The following PDIA2 variants were observed in gnomAD, a reference collection of about 807,000 sequenced individuals.
PDIA2 encodes the protein protein disulfide-isomerase A2.
PDIA2 carries 76 observed loss-of-function variants against 51.1 expected under a neutral mutation model. The ratio of observed to expected loss-of-function variants is 1.49; its 90% CI spans 1.24 to 1.80. The LOEUF (loss-of-function observed/expected upper bound fraction) is 1.80, where lower values mean the gene tolerates loss of function less well. Among genes scored for constraint, PDIA2 ranks in the 40% most tolerant of loss-of-function variants. PDIA2 has a pLI of 0.00. For synonymous variants in PDIA2, 429 were observed against 309.9 expected (o/e 1.38, Z -4.04); for missense variants, 946 against 706.5 (o/e 1.34, Z -3.84).
rs45486793 is a variant in PDIA2, at chr16:284,020, A to C, written c.200-367A>C. The C allele has an allele frequency of 5.9e-3, 1,916 of 325,016 alleles. 34 individuals carry two copies. The highest frequency in any genetic ancestry group is 0.038 in the African/African-American group (1,774 of 47,178). 20.1% of individuals were successfully genotyped at this position (325,016 alleles called of 1,614,324 possible). A position where few individuals can be genotyped will look rare whatever the true frequency, so the allele number is the denominator to read the frequency against. ...GCTGGGATTATAGGCATACGCAACC[A>C]ATCCCGGCTAATATTTTTTGTATTT... On this transcript the variant is annotated intron_variant, in intron 1 of 10. Coordinates refer to ENST00000219406, the MANE Select transcript of PDIA2 (RefSeq NM_006849.4).
intron 1 of PDIA2, chr16:284,003 T>C (rs2052320154): frequency 3.3e-6 from 1 of 300,078 alleles, no homozygotes; most frequent in Non-Finnish European, 6.5e-6. Flanking sequence ...TAGCTGGGAT[T>C]ATAGGCATAC....
In PDIA2 at chr16:287,117, C is replaced by T. The variant is rs767009830; in HGVS notation, c.*4C>T. The T allele has an allele frequency of 4.3e-5, 70 of 1,612,594 alleles. 1 individual carries two copies. In the South Asian group the frequency reaches 6.3e-4, roughly 14 times the overall value. ...GGGGTCCAAGGAGGAACTGTAGCTG[C>T]CCCCGTGTCACCCCCGCCATCACTG... is the stretch of plus-strand genomic sequence containing the variant. On this transcript the variant is annotated 3_prime_UTR_variant, in exon 11 of 11. Transcript: ENST00000219406.
Position 286,618 on chromosome 16 carries a change from C to G in PDIA2, c.1305C>G (p.Tyr435Ter), listed in dbSNP as rs2052384579. Residue 435 changes from tyrosine (Y) to a stop codon, truncating the protein, a stop_gained, in exon 9 of 11, where the codon TAC (tyrosine) becomes TAG (stop). Coordinates refer to ENST00000219406, the MANE Select transcript of PDIA2 (RefSeq NM_006849.4). LOFTEE classifies it high-confidence loss of function. ...CCTGGGAGGCATTGGCTGAGAAGTA[C>G]CAAGACCACGAGGACATCATCATTG... ...APAWEALAEK[Y>*]QDHEDIIIAE... is the part of the protein sequence containing the mutation. The G allele has an allele frequency of 1.2e-6, 2 of 1,612,900 alleles. No individual in the cohort carries two copies. Among genetic ancestry groups the G allele is most frequent in the East Asian group, 4.5e-5 (2 of 44,854 alleles).
At chr16:286,507 T>G in intron 8 of PDIA2, 34 bp downstream of exon 8, 1 of 1,612,738 alleles carries the variant, frequency 6.2e-7, no homozygotes, top group Non-Finnish European at 8.5e-7. Flanking sequence ...TGGTGTGGGC[T>G]GGGCAGGGGC....
chr16:284,339 G>A (rs1172311232), intron 1 of PDIA2, 48 bp from the exon 2 acceptor site: 1 of 1,500,436 alleles, frequency 6.7e-7, no homozygotes, highest in South Asian at 1.2e-5. Context: ...TGGAGAGGGT[G>A]CTCCTGGGGT....
rs531070074 is a variant in PDIA2, at chr16:283,494, C to T, written c.199+126C>T. The T allele has an allele frequency of 5.8e-5, 60 of 1,027,342 alleles. No homozygotes were observed. In the African/African-American group the frequency reaches 8.7e-4, roughly 15 times the overall value. 63.6% of individuals were successfully genotyped at this position (1,027,342 alleles called of 1,614,324 possible). Reference sequence around the variant, plus strand: ...AGGGGCCTCCCCGCAGGCACTTGCCCCCACTGTGCCCAGGAGCTCTCTAGG... The same window carrying T: ...AGGGGCCTCCCCGCAGGCACTTGCCTCCACTGTGCCCAGGAGCTCTCTAGG... On this transcript the variant is annotated intron_variant, in intron 1 of 10. Transcript: ENST00000219406.
At position 284,508 on chromosome 16, in the gene PDIA2, G is replaced by C; in HGVS notation, c.321G>C (p.Glu107Asp). Reference protein sequence around the residue: ...LAKVDGPAQRELAEEFGVTEY... With the variant: ...LAKVDGPAQRDLAEEFGVTEY... ...AGGTGGATGGGCCCGCGCAGCGCGA[G>C]CTGGCTGAGGAGTTTGGTGTGACGG... Residue 107 changes from glutamate to aspartate, a missense_variant, in exon 2 of 11, where the codon GAG (glutamate) becomes GAC (aspartate). Physicochemically the swap from Glu to Asp is conservative, Grantham distance 45. Coordinates refer to ENST00000219406, the MANE Select transcript of PDIA2 (RefSeq NM_006849.4). The C allele has an allele frequency of 6.2e-7, 1 of 1,611,908 alleles. No homozygotes were observed. Among genetic ancestry groups the C allele is most frequent in the Non-Finnish European group, 8.5e-7 (1 of 1,179,458 alleles).
Position 286,727 on chromosome 16 carries a change from G to A in PDIA2, c.1414G>A (p.Gly472Ser). 6.2e-7 allele frequency: 1 copy of A among 1,612,904 alleles called. No individual in the cohort carries two copies. The change falls in exon 9 of 11, where the codon GGT becomes AGT. Residue 472 changes from glycine (G) to serine (S), a missense_variant. Coordinates refer to ENST00000219406, the MANE Select transcript of PDIA2 (RefSeq NM_006849.4). Reference protein sequence around the residue: ...PTLKYFPAGPGRKVIEYKSTR... With the variant: ...PTLKYFPAGPSRKVIEYKSTR... ...TCTCAAGTACTTCCCAGCAGGGCCA[G>A]GTCGGAAGGTATGGCGGACAGGTGG...
chr16:284,300 A>C, intron 1 of PDIA2, 87 bp from the exon 2 acceptor site: 1 of 1,322,024 alleles, frequency 7.6e-7, no homozygotes, highest in East Asian at 2.5e-5. Context: ...ATGGAGCAGC[A>C]CGCTTGTTCC....
In PDIA2 at chr16:285,594, G is replaced by A. The variant is rs750307363; in HGVS notation, c.1010G>A (p.Arg337His). ...AAGGCTGAGGCAGCCCCCACTCTGC[G>A]CTTGGTCAACCTTGAAACCACTAAG... Reference protein sequence around the residue: ...GLKAEAAPTLRLVNLETTKKY... With the variant: ...GLKAEAAPTLHLVNLETTKKY... The change falls in exon 7 of 11, where the codon CGC becomes CAC. Residue 337 changes from arginine (R) to histidine (H), a missense_variant. Coordinates refer to ENST00000219406, the MANE Select transcript of PDIA2 (RefSeq NM_006849.4). 18 of 1,613,044 alleles carry A rather than the reference G, an allele frequency of 1.1e-5. No individual in the cohort carries two copies. Among genetic ancestry groups the A allele is most frequent in the Admixed American group, 1.0e-4 (6 of 59,992 alleles).
At position 285,566 on chromosome 16, in the gene PDIA2, C is replaced by T. The variant is rs748292003; in HGVS notation, c.982C>T (p.Leu328Phe). The T allele has an allele frequency of 1.1e-5, 17 of 1,613,050 alleles. No individual in the cohort carries two copies. The highest frequency in any genetic ancestry group is 1.4e-5 in the Non-Finnish European group (17 of 1,179,968). ...TGAGCACGTGCTGCAGTACTTTGGA[C>T]TCAAGGCTGAGGCAGCCCCCACTCT... ...DNEHVLQYFG[L>F]KAEAAPTLRL... is the part of the protein sequence containing the mutation. The change falls in exon 7 of 11, where the codon CTC becomes TTC. Residue 328 changes from leucine (L) to phenylalanine (F), a missense_variant. Coordinates refer to ENST00000219406, the MANE Select transcript of PDIA2 (RefSeq NM_006849.4).
intron 1 of PDIA2, chr16:284,104 G>A (rs374837622): frequency 2.7e-5 from 14 of 510,526 alleles, no homozygotes; most frequent in South Asian, 2.7e-4. Context: ...CCAACCTCAG[G>A]TGATATGCCC....
At position 284,542 on chromosome 16, in the gene PDIA2, AC is replaced by A; in HGVS notation, c.356del (p.Thr119SerfsTer49). On this transcript the variant is annotated frameshift_variant, in exon 2 of 11. Transcript: ENST00000219406. LOFTEE classifies it high-confidence loss of function. ...AEEFGVTEYP[T>X]LKFFRNGNRT... ...GGAGTTTGGTGTGACGGAGTACCCT[AC>A]GCTCAAGTTCTTCCGCAATGGGAAC... 1 of 1,612,776 alleles carries A rather than the reference AC, an allele frequency of 6.2e-7. No homozygotes were observed. The highest frequency in any genetic ancestry group is 2.2e-5 in the East Asian group (1 of 44,848).
chr16:285,527 G>C lies in PDIA2; in HGVS notation c.943G>C (p.Val315Leu). ...ACAGGTGCTGTTCGTGGTGGTGGAC[G>C]TGGCGGCCGACAATGAGCACGTGCT... ...RGQVLFVVVD[V>L]AADNEHVLQY... Residue 315 changes from valine to leucine, a missense_variant, in exon 7 of 11, where the codon GTG becomes CTG. By Grantham distance (32) the Val-to-Leu change is conservative. Transcript: ENST00000219406. 6.2e-7 allele frequency: 1 copy of C among 1,613,012 alleles called. No homozygotes were observed. Among genetic ancestry groups the C allele is most frequent in the Non-Finnish European group, 8.5e-7 (1 of 1,179,942 alleles).
In PDIA2 at chr16:285,010, A is replaced by T; in HGVS notation, c.673A>T (p.Lys225Ter). 6.2e-7 allele frequency: 1 copy of T among 1,613,304 alleles called. No individual in the cohort carries two copies. The highest frequency in any genetic ancestry group is 8.5e-7 in the Non-Finnish European group (1 of 1,180,012). ...GLTKDTVVLF[K>*]KFDEGRADFP... ...CACCAAGGACACTGTGGTTCTCTTC[A>T]AGAAGGTAGGTCAGGCCCAGGTGTG... Residue 225 changes from lysine (K) to a stop codon, truncating the protein, a stop_gained, in exon 4 of 11, where the codon AAG (lysine) becomes TAG (stop). Coordinates refer to ENST00000219406, the MANE Select transcript of PDIA2 (RefSeq NM_006849.4). LOFTEE classifies it high-confidence loss of function.
intron 6 of PDIA2, 32 bp from the exon 7 acceptor site, chr16:285,474 T>G (rs2052342686): frequency 3.1e-6 from 5 of 1,611,032 alleles, no homozygotes; most frequent in Non-Finnish European, 4.2e-6. Flanking sequence ...AGCGGGAGAG[T>G]GGCCGGTGCC....
chr16:285,767 G>A (rs2052349016), intron 7 of PDIA2, 64 bp downstream of exon 7: 2 of 1,539,756 alleles, frequency 1.3e-6, no homozygotes, highest in African/African-American at 1.4e-5. Flanking sequence ...CTTGGCAGGG[G>A]GTGGGAACAG....
rs1328562410 is a variant in PDIA2, at chr16:284,099, C to T, written c.200-288C>T. 9 of 501,606 alleles carry T rather than the reference C, an allele frequency of 1.8e-5. No homozygotes were observed. In the Admixed American group the frequency reaches 2.9e-4, roughly 16 times the overall value. 31.1% of individuals were successfully genotyped at this position (501,606 alleles called of 1,614,324 possible). On this transcript the variant is annotated intron_variant, in intron 1 of 10. Coordinates refer to ENST00000219406, the MANE Select transcript of PDIA2 (RefSeq NM_006849.4). ...GTCAGGCTGGTCTCGAACTCCCAAC[C>T]TCAGGTGATATGCCCGCCTCTGCCT...
At chr16:285,849 GCGGTTCTCC>G in intron 7 of PDIA2, 146 bp downstream of exon 7, 1 of 928,000 alleles carries the variant, frequency 1.1e-6, no homozygotes, top group Non-Finnish European at 1.6e-6. Context: ...TCCCAACCCG[GCGGTTCTCC>G]CAACCCCAAC....
Sources: gnomAD v4.1 joint callset for allele counts on GRCh38, gnomAD v4.1.1 for gene constraint, MANE v1.5 for transcripts, NCBI Gene and HGNC (gene_info 2026-07-23, HGNC 2026-07-21) for gene names.